Variants in GRTP1 observed in about 807,000 individuals in gnomAD.
GRTP1 encodes growth hormone-regulated TBC protein 1.
A neutral mutation model predicts 38.1 loss-of-function variants in GRTP1; 56 were observed. That is an observed-to-expected ratio of 1.47 (90% CI 1.19 to 1.84). The LOEUF is 1.84. Ranked by LOEUF, GRTP1 falls within the 40% of genes most tolerant of loss-of-function variation. GRTP1 has a pLI of 0.00. For synonymous variants in GRTP1, 217 were observed against 189.5 expected (o/e 1.14, Z -1.19); for missense variants, 506 against 453.9 (o/e 1.11, Z -1.04).
intron 5 of GRTP1, among the ~76,000 whole-genome samples, chr13:113,332,282 GCACA>G (rs1322882133): frequency 1.4e-5 from 2 of 142,562 alleles, no homozygotes; most frequent in Admixed American, 6.9e-5. Flanking sequence ...GTACACACGT[GCACA>G]CACACACCAC....
At position 113,346,198 on chromosome 13, in the gene GRTP1, G is replaced by A. The variant is rs61966597; in HGVS notation, c.466-1239C>T. Reference sequence around the variant, plus strand: ...CCCGGGAGGACCTCTGTGGCTGAGAGCAGACCCGGGAGGACCTCTGTGGCT... The same window carrying A: ...CCCGGGAGGACCTCTGTGGCTGAGAACAGACCCGGGAGGACCTCTGTGGCT... On this transcript the variant is annotated intron_variant, in intron 4 of 7. Coordinates refer to ENST00000375431, the MANE Select transcript of GRTP1 (RefSeq NM_024719.4). Among the ~76,000 whole-genome samples the A allele has an allele frequency of 4.0e-3, 320 of 80,746 alleles. 6 individuals carry two copies. Among genetic ancestry groups the A allele is most frequent in the African/African-American group, 7.1e-3 (123 of 17,248 alleles). 53.0% of individuals were successfully genotyped at this position (80,746 alleles called of 152,430 possible).
Position 113,349,913 on chromosome 13 carries a change from GTCC to G in GRTP1, c.465+933_465+935del, listed in dbSNP as rs5806979. ...ACCCATCGCGACGATGTCCTTCCCT[GTCC>G]TCCTAGAAACGTTTAAGCCAGCCAC... On this transcript the variant is annotated intron_variant, in intron 4 of 7. Transcript: ENST00000375431. The surrounding 1 kb of genome is among the most constrained non-coding windows in gnomAD (Gnocchi z 5.0). Among the ~76,000 whole-genome samples the G allele has an allele frequency of 0.33, 50,089 of 151,854 alleles. 8,704 individuals are homozygous for G. The highest frequency in any genetic ancestry group is 0.6 in the East Asian group (3,054 of 5,116).
intron 4 of GRTP1, among the ~76,000 whole-genome samples, chr13:113,346,129 T>A (rs1482751575): frequency 2.2e-5 from 3 of 139,326 alleles, no homozygotes; most frequent in Admixed American, 1.4e-4. Context: ...AGGACCTCTG[T>A]GGACAAGAGC....
intron 3 of GRTP1, among the ~76,000 whole-genome samples, chr13:113,352,461 C>G (rs2043305410): frequency 6.7e-6 from 1 of 149,564 alleles, no homozygotes; most frequent in Admixed American, 6.8e-5. Context: ...GCATCCTCGA[C>G]CTCCAGGGCT....
At chr13:113,345,063 TCTC>T (rs1481190986) in intron 4 of GRTP1, 104 bp from the exon 5 acceptor site, 2 of 1,323,142 alleles carry the variant, frequency 1.5e-6, no homozygotes, top group South Asian at 1.5e-5. Flanking sequence ...TTCTCTTGCT[TCTC>T]CTTAAAACCT....
chr13:113,341,079 C>T (rs756320645), intron 5 of GRTP1, among the ~76,000 whole-genome samples: 3 of 150,570 alleles, frequency 2.0e-5, no homozygotes, highest in Non-Finnish European at 4.4e-5. Context: ...AAGAGTCTCA[C>T]TCTGTCGCCC....
intron 5 of GRTP1, among the ~76,000 whole-genome samples, chr13:113,334,703 AG>A (rs1273547658): frequency 6.6e-6 from 1 of 152,216 alleles, no homozygotes; most frequent in Non-Finnish European, 1.5e-5. Flanking sequence ...CGGGTTCACC[AG>A]GGAGAGCCGT....
chr13:113,350,707 G>A (rs753971111), intron 4 of GRTP1, 142 bp downstream of exon 4: 47 of 767,656 alleles, frequency 6.1e-5, no homozygotes, highest in Non-Finnish European at 8.2e-5. Flanking sequence ...GGGAAATGGC[G>A]TCCGAGCCTC....
intron 5 of GRTP1, among the ~76,000 whole-genome samples, chr13:113,333,788 T>A (rs1335051751): frequency 1.3e-5 from 2 of 150,476 alleles, no homozygotes; most frequent in African/African-American, 4.9e-5. Context: ...ACCACGCCCA[T>A]CTCAGTGCCT....
intron 2 of GRTP1, 152 bp downstream of exon 2, chr13:113,363,610 C>A: frequency 1.3e-6 from 1 of 782,432 alleles, no homozygotes. Flanking sequence ...CCGGTCCCTG[C>A]GGCTGCCCTA....
Position 113,324,350 on chromosome 13 carries a change from T to TA in GRTP1, c.*137dup, listed in dbSNP as rs1420855216. On this transcript the variant is annotated 3_prime_UTR_variant, in exon 8 of 8. Coordinates refer to ENST00000375431, the MANE Select transcript of GRTP1 (RefSeq NM_024719.4). ...ATGACCTGATTTTAAACTGCTCTTT[T>TA]AAAAAATTCACAACTAAAGTGTAGT... is the stretch of plus-strand genomic sequence containing the variant. The TA allele has an allele frequency of 2.9e-5, 37 of 1,281,096 alleles. No homozygotes were observed. Among genetic ancestry groups the TA allele is most frequent in the Non-Finnish European group, 3.5e-5 (35 of 995,058 alleles). 79.4% of individuals were successfully genotyped at this position (1,281,096 alleles called of 1,614,324 possible).
chr13:113,332,963 G>A (rs1192801578), intron 5 of GRTP1, among the ~76,000 whole-genome samples: 3 of 152,232 alleles, frequency 2.0e-5, no homozygotes, highest in Non-Finnish European at 4.4e-5. Flanking sequence ...ACACAGCACT[G>A]ACCAACCGCC....
At position 113,343,288 on chromosome 13, in the gene GRTP1, C is replaced by T. The variant is rs1313119004; in HGVS notation, c.562+1575G>A. Reference sequence around the variant, plus strand: ...AGGTGTTCACCGAACTGAGCTGAGACAGCCGGCATCCTTTCCGCCCTGCGA... The same window carrying T: ...AGGTGTTCACCGAACTGAGCTGAGATAGCCGGCATCCTTTCCGCCCTGCGA... On this transcript the variant is annotated intron_variant, in intron 5 of 7. Transcript: ENST00000375431. This position sits in a 1 kb window ranked among gnomAD's most constrained non-coding sequence, Gnocchi z 4.8. Among the ~76,000 whole-genome samples the T allele has an allele frequency of 1.3e-5, 2 of 152,160 alleles. No individual in the cohort carries two copies. The highest frequency in any genetic ancestry group is 2.9e-5 in the Non-Finnish European group (2 of 68,042).
rs1402240871 is a variant in GRTP1, at chr13:113,349,125, C to T, written c.465+1724G>A. Among the ~76,000 whole-genome samples, 1 of 151,362 alleles carries T rather than the reference C, an allele frequency of 6.6e-6. No homozygotes were observed. The highest frequency in any genetic ancestry group is 6.6e-5 in the Admixed American group (1 of 15,184). ...GGCCTCAAGCAAACAATCCTCCTGC[C>T]TTGACCTCCCAAAGTGCATGATTAT... On this transcript the variant is annotated intron_variant, in intron 4 of 7. Transcript: ENST00000375431. The surrounding 1 kb of genome is among the most constrained non-coding windows in gnomAD (Gnocchi z 5.0).
chr13:113,344,673 A>G (rs2043072705), intron 5 of GRTP1, among the ~76,000 whole-genome samples, 190 bp downstream of exon 5: 1 of 125,202 alleles, frequency 8.0e-6, no homozygotes, highest in Non-Finnish European at 1.6e-5. Context: ...AGATCACACC[A>G]CTGCACTCCA....
chr13:113,335,558 A>C (rs1823111006), intron 5 of GRTP1, among the ~76,000 whole-genome samples: 1 of 152,140 alleles, frequency 6.6e-6, no homozygotes, highest in South Asian at 2.1e-4. Flanking sequence ...GGTCTGACCT[A>C]CTAACACACG....
Position 113,349,957 on chromosome 13 carries a change from G to C in GRTP1, c.465+892C>G, listed in dbSNP as rs898755223. On this transcript the variant is annotated intron_variant, in intron 4 of 7. Transcript: ENST00000375431. The surrounding 1 kb of genome is among the most constrained non-coding windows in gnomAD (Gnocchi z 5.0). Reference sequence around the variant, plus strand: ...AGCCAGCCACAACCCCTAGGAGCCCGTGAAGCACATGGCCTAAAATGCCAG... The same window carrying C: ...AGCCAGCCACAACCCCTAGGAGCCCCTGAAGCACATGGCCTAAAATGCCAG... 6.6e-6 allele frequency among the ~76,000 whole-genome samples: 1 copy of C among 152,120 alleles called. No individual in the cohort carries two copies. The highest frequency in any genetic ancestry group is 1.5e-5 in the Non-Finnish European group (1 of 68,020).
intron 2 of GRTP1, among the ~76,000 whole-genome samples, chr13:113,356,531 G>A (rs1352396070): frequency 1.3e-5 from 2 of 152,150 alleles, no homozygotes; most frequent in East Asian, 3.9e-4. Context: ...CTCCCAAAGT[G>A]CTGGGATTAC....
Position 113,325,929 on chromosome 13 carries a change from A to G in GRTP1, c.725T>C (p.Leu242Ser). ...RWFICLFVDI[L>S]PVETVLRIWD... ...GAGTGAGGCGCTCACCTCCACGGGC[A>G]AGATGTCCACAAACAGGCAGATGAA... is the stretch of plus-strand genomic sequence containing the variant. The change falls in exon 6 of 8, where the codon TTG (leucine) becomes TCG (serine). Residue 242 changes from leucine (L) to serine (S), a missense_variant. Leu to Ser is a moderately radical substitution (Grantham distance 145). Transcript: ENST00000375431. 6.2e-7 allele frequency: 1 copy of G among 1,613,880 alleles called. No individual in the cohort carries two copies. Among genetic ancestry groups the G allele is most frequent in the Non-Finnish European group, 8.5e-7 (1 of 1,179,930 alleles).
Sources: gnomAD v4.1 joint callset for allele counts (sites outside exome capture counted in the v4.1 genomes callset) on GRCh38, gnomAD v4.1.1 for gene constraint, Gnocchi (gnomAD v3.1) non-coding constraint, MANE v1.5 for transcripts, NCBI Gene and HGNC (gene_info 2026-07-23, HGNC 2026-07-21) for gene names.